The following TINAG variants were observed in gnomAD, a reference collection of about 807,000 sequenced individuals.
TINAG encodes tubulointerstitial nephritis antigen.
Under a neutral mutation model 72.7 loss-of-function variants are expected in TINAG, and 83 were observed. That is an observed-to-expected ratio of 1.14 (90% confidence interval 0.96 to 1.37). The LOEUF is 1.37. TINAG is among the 40% of genes most tolerant of loss of function. TINAG has a pLI of 0.00. For missense variants in TINAG, 685 were observed against 576.6 expected, an observed-to-expected ratio of 1.19 and a Z score of -1.93; for synonymous variants, 234 against 189.9, an observed-to-expected ratio of 1.23 and a Z score of -1.91.
chr6:54,338,595 G>A (rs1030657648), intron 4 of TINAG, among the ~76,000 whole-genome samples: 1 of 151,720 alleles, frequency 6.6e-6, no homozygotes, highest in African/African-American at 2.4e-5. Flanking sequence ...GTGGTGGCAC[G>A]TGTCTGTAGT....
chr6:54,364,481 TA>T (rs998681699), intron 9 of TINAG, among the ~76,000 whole-genome samples: 3 of 151,464 alleles, frequency 2.0e-5, no homozygotes, highest in Non-Finnish European at 4.4e-5. Context: ...CAAAATAGAC[TA>T]AAAATATTTA....
intron 9 of TINAG, among the ~76,000 whole-genome samples, chr6:54,373,386 A>G (rs1417888981): frequency 6.6e-6 from 1 of 152,108 alleles, no homozygotes; most frequent in Non-Finnish European, 1.5e-5. Context: ...TCTACAGATT[A>G]TCGAAGGCCT....
chr6:54,372,083 C>A (rs1276430962), intron 9 of TINAG, among the ~76,000 whole-genome samples: 2 of 147,194 alleles, frequency 1.4e-5, no homozygotes, highest in Non-Finnish European at 3.0e-5. Flanking sequence ...CCTCCGCCTC[C>A]TGGGTTCAAG....
intron 9 of TINAG, among the ~76,000 whole-genome samples, chr6:54,371,098 CACTT>C (rs541361021): frequency 7.8e-4 from 115 of 147,954 alleles, no homozygotes; most frequent in African/African-American, 2.8e-3. Flanking sequence ...AAAAAAATGT[CACTT>C]ACGAAAACTG....
At chr6:54,313,759 A>G (rs13194727) in intron 1 of TINAG, among the ~76,000 whole-genome samples, 180 of 152,254 alleles carry the variant, frequency 1.2e-3, no homozygotes, top group Non-Finnish European at 1.9e-3. Flanking sequence ...ATTAAATAAT[A>G]ATTTACTCAT....
chr6:54,329,917 A>G (rs1263344672), intron 4 of TINAG, among the ~76,000 whole-genome samples: 1 of 152,180 alleles, frequency 6.6e-6, no homozygotes, highest in Non-Finnish European at 1.5e-5. Flanking sequence ...CAACAAGAAG[A>G]ACTAACTATC....
chr6:54,350,969 T>C (rs1026787987), intron 7 of TINAG, among the ~76,000 whole-genome samples: 1 of 151,836 alleles, frequency 6.6e-6, no homozygotes, highest in African/African-American at 2.4e-5. Flanking sequence ...CATTAAACAT[T>C]AGGAGACATC....
intron 9 of TINAG, among the ~76,000 whole-genome samples, chr6:54,361,073 A>G (rs1297816419): frequency 6.6e-6 from 1 of 151,008 alleles, no homozygotes; most frequent in African/African-American, 2.4e-5. Flanking sequence ...GGGGTGCCGC[A>G]AACAGCACCC....
chr6:54,380,391 G>T, intron 9 of TINAG, 135 bp from the exon 10 acceptor site: 1 of 613,838 alleles, frequency 1.6e-6, no homozygotes. Context: ...GGGCAATGGT[G>T]ATATTTCCAT....
chr6:54,360,218 C>A (rs1297285639), intron 9 of TINAG, among the ~76,000 whole-genome samples: 1 of 148,652 alleles, frequency 6.7e-6, no homozygotes, highest in Non-Finnish European at 1.5e-5. Context: ...TATATTTGCT[C>A]CTAGTAGCCT....
At chr6:54,379,401 T>C (rs745479673) in intron 9 of TINAG, among the ~76,000 whole-genome samples, 3 of 152,164 alleles carry the variant, frequency 2.0e-5, no homozygotes, top group Non-Finnish European at 4.4e-5. Flanking sequence ...TGAAGAAAAA[T>C]GAAATCGTGT....
At chr6:54,308,290 T>G (rs1784156968), upstream of TINAG, among the ~76,000 whole-genome samples, 1 of 152,174 alleles carries the variant, frequency 6.6e-6, no homozygotes, top group Admixed American at 6.6e-5. Flanking sequence ...TGATGCATAA[T>G]TTCTACACTA....
chr6:54,386,040 C>A lies in TINAG; in HGVS notation c.1297-3751C>A, dbSNP rs187665577. On this transcript the variant is annotated intron_variant, in intron 10 of 10. Transcript: ENST00000259782. ...CCGAGTAGCTGGGAATACAGACACC[C>A]GCCACCACACCTGGCTAATATTCGT... is the stretch of plus-strand genomic sequence containing the variant. 1.8e-3 allele frequency among the ~76,000 whole-genome samples: 274 copies of A among 151,710 alleles called. 2 individuals carry two copies. Among genetic ancestry groups the A allele is most frequent in the African/African-American group, 6.2e-3 (256 of 41,362 alleles).
At chr6:54,368,414 TC>T (rs1763503117) in intron 9 of TINAG, among the ~76,000 whole-genome samples, 1 of 149,508 alleles carries the variant, frequency 6.7e-6, no homozygotes, top group Non-Finnish European at 1.5e-5. Context: ...TGTAATTATG[TC>T]AAAAGTATGC....
rs70983416 is a variant in TINAG at position 54,371,110 on chromosome 6, CTGTGTGTGTG to C, written c.1251-9396_1251-9387del. Among the ~76,000 whole-genome samples the C allele has an allele frequency of 9.5e-3, 1,414 of 149,082 alleles. 10 individuals are homozygous for C. Among genetic ancestry groups the C allele is most frequent in the Non-Finnish European group, 0.017 (1,120 of 67,214 alleles). ...TCCAAAAAAATGTCACTTACGAAAA[CTGTGTGTGTG>C]TGTGTGTGTGTGTGTGTGTCAGAGA... On this transcript the variant is annotated intron_variant, in intron 9 of 10. Transcript: ENST00000259782.
intron 1 of TINAG, among the ~76,000 whole-genome samples, chr6:54,312,586 G>GA (rs1784282963): frequency 6.6e-6 from 1 of 151,720 alleles, no homozygotes; most frequent in South Asian, 2.1e-4. Flanking sequence ...TGCTTTAAGA[G>GA]AAAAAATGAA....
At chr6:54,323,856 A>C (rs930429985) in intron 3 of TINAG, among the ~76,000 whole-genome samples, 3 of 152,184 alleles carry the variant, frequency 2.0e-5, no homozygotes, top group Non-Finnish European at 4.4e-5. Context: ...CGTTAGGTTG[A>C]TGCACTAGAA....
chr6:54,331,447 G>T (rs1784737955), intron 4 of TINAG, among the ~76,000 whole-genome samples: 1 of 152,150 alleles, frequency 6.6e-6, no homozygotes, highest in South Asian at 2.1e-4. Flanking sequence ...AGGTATTGAT[G>T]AAACATATTT....
chr6:54,378,530 T>C (rs1257266854), intron 9 of TINAG, among the ~76,000 whole-genome samples: 1 of 152,164 alleles, frequency 6.6e-6, no homozygotes, highest in Non-Finnish European at 1.5e-5. Flanking sequence ...TGAAATTATT[T>C]TTTGGAAAAT....
Sources: allele counts gnomAD v4.1 joint callset (sites outside exome capture counted in the v4.1 genomes callset), GRCh38; gene constraint gnomAD v4.1.1; transcripts MANE v1.5; gene names NCBI Gene and HGNC (gene_info 2026-07-23, HGNC 2026-07-21).